PITPNC1: variants seen among roughly 807,000 people sequenced by gnomAD.
The protein encoded by PITPNC1 is cytoplasmic phosphatidylinositol transfer protein 1.
PITPNC1 carries 18 observed loss-of-function variants against 44.7 expected under a neutral mutation model. The ratio of observed to expected loss-of-function variants is 0.40; its 90% CI spans 0.28 to 0.60. The LOEUF (loss-of-function observed/expected upper bound fraction) is 0.60, where lower values mean the gene tolerates loss of function less well. Among genes scored for constraint, PITPNC1 ranks in the 20% least tolerant of loss-of-function variants. The probability of loss-of-function intolerance (pLI) is 0.39; values close to 1 mark genes in which losing one functional copy is unlikely to be tolerated. For missense variants in PITPNC1, 290 were observed against 418.4 expected, an observed-to-expected ratio of 0.69 and a Z score of 2.68; for synonymous variants, 141 against 149.6, an observed-to-expected ratio of 0.94 and a Z score of 0.42.
At chr17:67,497,009 C>A (rs1048007096) in intron 1 of PITPNC1, among the ~76,000 whole-genome samples, 2 of 151,816 alleles carry the variant, frequency 1.3e-5, no homozygotes, top group African/African-American at 4.8e-5. Flanking sequence ...GCCTGTGGTC[C>A]CAGCTACTCG....
chr17:67,387,960 C>G (rs1015853530), intron 1 of PITPNC1, among the ~76,000 whole-genome samples: 1 of 152,160 alleles, frequency 6.6e-6, no homozygotes, highest in East Asian at 1.9e-4. Context: ...TGCTCAAGGA[C>G]CATGTGTGGC....
chr17:67,529,352 A>G (rs767555435), intron 1 of PITPNC1, among the ~76,000 whole-genome samples: 10 of 152,140 alleles, frequency 6.6e-5, no homozygotes, highest in Non-Finnish European at 1.0e-4. Flanking sequence ...AAGATGGTCC[A>G]GTGGTGGAAA....
At chr17:67,447,516 C>T (rs2039115342) in intron 1 of PITPNC1, among the ~76,000 whole-genome samples, 2 of 151,306 alleles carry the variant, frequency 1.3e-5, no homozygotes, top group Middle Eastern at 3.2e-3. Flanking sequence ...AGGCATGTAC[C>T]ACCACGCCCA....
chr17:67,688,798 TA>T (rs2042868684), intron 8 of PITPNC1, among the ~76,000 whole-genome samples: 1 of 152,164 alleles, frequency 6.6e-6, no homozygotes, highest in Admixed American at 6.5e-5. Flanking sequence ...AAGCCACAGG[TA>T]AAGAGGAGAC....
intron 1 of PITPNC1, among the ~76,000 whole-genome samples, chr17:67,380,647 C>G (rs1268949984): frequency 6.6e-6 from 1 of 152,188 alleles, no homozygotes; most frequent in Admixed American, 6.6e-5. Flanking sequence ...CCCCTAGAGT[C>G]AGAACTGATA....
At chr17:67,433,416 G>A (rs1287104242) in intron 1 of PITPNC1, among the ~76,000 whole-genome samples, 1 of 152,180 alleles carries the variant, frequency 6.6e-6, no homozygotes, top group African/African-American at 2.4e-5. Context: ...GATGAATGGA[G>A]GGCAAGCCAG....
intron 1 of PITPNC1, among the ~76,000 whole-genome samples, chr17:67,403,146 G>T (rs1216301739): frequency 1.3e-5 from 2 of 148,354 alleles, no homozygotes; most frequent in African/African-American, 5.0e-5. Context: ...ATCCCAAGGG[G>T]CCAAGGCGGG....
intron 1 of PITPNC1, among the ~76,000 whole-genome samples, chr17:67,519,171 G>GTTTTTTTTTTTTT (rs563294178): frequency 1.3e-5 from 1 of 78,752 alleles, no homozygotes; most frequent in Non-Finnish European, 2.3e-5. Context: ...GCAGCATTCT[G>GTTTTTTTTTTTTT]TTTTTTTTTT....
intron 6 of PITPNC1, among the ~76,000 whole-genome samples, chr17:67,663,001 T>G (rs896226136): frequency 6.6e-6 from 1 of 152,136 alleles, no homozygotes; most frequent in African/African-American, 2.4e-5. Flanking sequence ...AACATATGAG[T>G]GCATGTCTTT....
chr17:67,501,390 A>C (rs1310302128), intron 1 of PITPNC1, among the ~76,000 whole-genome samples: 1 of 152,180 alleles, frequency 6.6e-6, no homozygotes, highest in Non-Finnish European at 1.5e-5. Context: ...ATCTGGCTCC[A>C]ATCTACCAGC....
At chr17:67,670,660 A>C (rs1182946418) in intron 7 of PITPNC1, among the ~76,000 whole-genome samples, 2 of 147,612 alleles carry the variant, frequency 1.4e-5, no homozygotes, top group Non-Finnish European at 3.0e-5. Context: ...TGAGGCAGGG[A>C]GAATTGCTTG....
chr17:67,651,334 G>A (rs537830220), intron 6 of PITPNC1, among the ~76,000 whole-genome samples: 33 of 152,190 alleles, frequency 2.2e-4, no homozygotes, highest in Admixed American at 2.6e-4. Flanking sequence ...CCAACATGGC[G>A]AAACCCCATC....
chr17:67,437,084 T>A (rs1489830938), intron 1 of PITPNC1, among the ~76,000 whole-genome samples: 1 of 151,726 alleles, frequency 6.6e-6, no homozygotes, highest in Non-Finnish European at 1.5e-5. Flanking sequence ...CATGGCTGGC[T>A]AATTTTTGCA....
intron 1 of PITPNC1, among the ~76,000 whole-genome samples, chr17:67,465,632 C>T (rs186296099): frequency 2.0e-5 from 3 of 152,194 alleles, no homozygotes; most frequent in East Asian, 1.9e-4. Context: ...AGCCTTTCTC[C>T]AATCTGTATA....
chr17:67,509,143 A>G (rs1227241132), intron 1 of PITPNC1, among the ~76,000 whole-genome samples: 4 of 151,858 alleles, frequency 2.6e-5, no homozygotes, highest in African/African-American at 9.7e-5. Context: ...CTGAGGCAGG[A>G]GAATCACTTG....
intron 1 of PITPNC1, among the ~76,000 whole-genome samples, chr17:67,403,249 C>T (rs1036907075): frequency 9.2e-6 from 1 of 109,102 alleles, no homozygotes; most frequent in Non-Finnish European, 1.9e-5. Context: ...AAAGTCATGA[C>T]TGCTTTCCTT....
At chr17:67,428,039 A>C (rs922567495) in intron 1 of PITPNC1, among the ~76,000 whole-genome samples, 3 of 152,228 alleles carry the variant, frequency 2.0e-5, no homozygotes, top group African/African-American at 7.2e-5. Flanking sequence ...GCTAGAGTGC[A>C]GTGACTGTTC....
intron 1 of PITPNC1, among the ~76,000 whole-genome samples, chr17:67,384,673 C>G (rs1404590416): frequency 6.6e-6 from 1 of 152,240 alleles, no homozygotes; most frequent in African/African-American, 2.4e-5. Context: ...GATCTGCCCG[C>G]CTCGGCCTCC....
chr17:67,546,391 T>C (rs1162829819), intron 2 of PITPNC1, among the ~76,000 whole-genome samples: 1 of 152,048 alleles, frequency 6.6e-6, no homozygotes, highest in Non-Finnish European at 1.5e-5. Context: ...GTCCATGCTA[T>C]CCTATTCTGT....
Sources: allele counts gnomAD v4.1 joint callset (sites outside exome capture counted in the v4.1 genomes callset), GRCh38; gene constraint gnomAD v4.1.1; transcripts MANE v1.5; gene names NCBI Gene and HGNC (gene_info 2026-07-23, HGNC 2026-07-21).